WASHC5: variants seen among roughly 807,000 people sequenced by gnomAD.
The protein encoded by WASHC5 is WASH complex subunit 5.
A neutral mutation model predicts 150.4 loss-of-function variants in WASHC5; 101 were observed. The ratio of observed to expected loss-of-function variants is 0.67; its 90% confidence interval spans 0.57 to 0.79. The LOEUF is 0.79. Ranked by LOEUF, WASHC5 falls within the 30% of genes least tolerant of loss-of-function variation. The pLI, the probability that WASHC5 is intolerant of heterozygous loss-of-function variation, is 0.00. For synonymous variants in WASHC5, 467 were observed against 491.2 expected, an observed-to-expected ratio of 0.95 and a Z score of 0.65; for missense variants, 1,195 against 1,396.3, an observed-to-expected ratio of 0.86 and a Z score of 2.30.
At chr8:125,082,885 CTTAG>C (rs1014418947) in intron 3 of WASHC5, 7 of 436,008 alleles carry the variant, frequency 1.6e-5, no homozygotes, top group Non-Finnish European at 1.6e-5. Flanking sequence ...AACTATATGA[CTTAG>C]TTAAACTAAG....
Position 125,059,446 on chromosome 8 carries a change from T to C in WASHC5, c.1618A>G (p.Ile540Val). The part of the protein sequence containing the change: ...FLHQMIRTIN[I>V]KEEVLITMQI... ...ATTGTGATCAGAACCTCCTCTTTAA[T>C]GTTAATGGTTCTGATCATTTGATGA... The change falls in exon 13 of 29, where the codon ATT (isoleucine) becomes GTT (valine). Residue 540 changes from isoleucine to valine, a missense_variant. Coordinates refer to ENST00000318410, the MANE Select transcript of WASHC5 (RefSeq NM_014846.4). 1 of 1,614,082 alleles carries C rather than the reference T, an allele frequency of 6.2e-7. No individual in the cohort carries two copies. Among genetic ancestry groups the C allele is most frequent in the Non-Finnish European group, 8.5e-7 (1 of 1,179,930 alleles).
chr8:125,025,860 T>C (rs62529093), intron 28 of WASHC5, among the ~76,000 whole-genome samples: 1 of 118,546 alleles, frequency 8.4e-6, no homozygotes, highest in African/African-American at 4.8e-5. Context: ...ACACACACAA[T>C]CAAAATTAGG....
chr8:125,039,756 C>T (rs749228892), intron 24 of WASHC5, 39 bp downstream of exon 24: 6 of 1,380,408 alleles, frequency 4.3e-6, no homozygotes, highest in Admixed American at 3.4e-5. Flanking sequence ...AATAAACAAT[C>T]CAAGCCCACG....
Position 125,028,697 on chromosome 8 carries a change from G to A in WASHC5, c.3346C>T (p.Pro1116Ser). ...TVEQCTSQKI[P>S]EIPADVVGAL... is the part of the protein sequence containing the mutation. Reference sequence around the variant, plus strand: ...CCCACAACATCTGCAGGAATTTCAGGTATCTTCTGGCTGTGATAGAGAACA... The same window carrying A: ...CCCACAACATCTGCAGGAATTTCAGATATCTTCTGGCTGTGATAGAGAACA... Residue 1116 changes from proline (P) to serine (S), a missense_variant, in exon 28 of 29, where the codon CCT becomes TCT. Coordinates refer to ENST00000318410, the MANE Select transcript of WASHC5 (RefSeq NM_014846.4). 3.1e-6 allele frequency: 5 copies of A among 1,613,028 alleles called. No individual in the cohort carries two copies. Among genetic ancestry groups the A allele is most frequent in the Non-Finnish European group, 3.4e-6 (4 of 1,179,088 alleles).
intron 1 of WASHC5, among the ~76,000 whole-genome samples, chr8:125,089,476 G>A (rs1431057386): frequency 6.6e-6 from 1 of 152,188 alleles, no homozygotes; most frequent in Non-Finnish European, 1.5e-5. Flanking sequence ...AAGCCATTCT[G>A]GGCCGCATGT....
rs1203430269 is a variant in WASHC5, at chr8:125,067,573, T to G, written c.1278+19A>C. On this transcript the variant is annotated intron_variant, in intron 10 of 28. Transcript: ENST00000318410. ...TAAAAAAGCTAAGACTGTGGTGATA[T>G]TCATTCAAATATTTTTACCTCTTTG... 7 of 1,595,652 alleles carry G rather than the reference T, an allele frequency of 4.4e-6. No homozygotes were observed. The highest frequency in any genetic ancestry group is 4.3e-6 in the Non-Finnish European group (5 of 1,163,818).
At position 125,060,951 on chromosome 8, in the gene WASHC5, CAT is replaced by C. The variant is rs1816575543; in HGVS notation, c.1521+129_1521+130del. 1.3e-5 allele frequency: 9 copies of C among 671,254 alleles called. No homozygotes were observed. In the East Asian group the frequency reaches 2.0e-4, roughly 15 times the overall value. 41.6% of individuals were successfully genotyped at this position (671,254 alleles called of 1,614,324 possible). ...TTAGGACAGTATACGTTACAGGAAA[CAT>C]ATTAATTCACATCGCTTTTACTTCT... is the stretch of plus-strand genomic sequence containing the variant. On this transcript the variant is annotated intron_variant, in intron 12 of 28. Transcript: ENST00000318410.
rs1815832206 is a variant in WASHC5, at chr8:125,039,781, AC to A, written c.2954+13del. On this transcript the variant is annotated intron_variant, in intron 24 of 28. Transcript: ENST00000318410. Reference sequence around the variant, plus strand: ...CCAAGCCCACGGATGGCTGTTTCAAACCCTGGCACTTACTTATTGAGATTCT... The same window carrying A: ...CCAAGCCCACGGATGGCTGTTTCAAACCTGGCACTTACTTATTGAGATTCT... 6.3e-7 allele frequency: 1 copy of A among 1,575,970 alleles called. No homozygotes were observed. The highest frequency in any genetic ancestry group is 8.7e-7 in the Non-Finnish European group (1 of 1,145,472).
Position 125,024,386 on chromosome 8 carries a change from G to T in WASHC5, c.*231C>A. 1 of 579,844 alleles carries T rather than the reference G, an allele frequency of 1.7e-6. No homozygotes were observed. The allele number at this position is 579,844 out of a possible 1,614,324, so 35.9% of individuals were successfully genotyped here. On this transcript the variant is annotated 3_prime_UTR_variant, in exon 29 of 29. Coordinates refer to ENST00000318410, the MANE Select transcript of WASHC5 (RefSeq NM_014846.4). ...CATTTAAGAGAGGCAGTACAAAAAT[G>T]TGTTCTGCTTTTATCTGATATAAAT...
At position 125,031,493 on chromosome 8, in the gene WASHC5, G is replaced by T. The variant is rs534822478; in HGVS notation, c.3335+748C>A. ...GGGGTTTCACCATGTTGGCCAGGCT[G>T]GTCCTGAACTCCTGACCTCAAGTAA... is the stretch of plus-strand genomic sequence containing the variant. On this transcript the variant is annotated intron_variant, in intron 27 of 28. Transcript: ENST00000318410. 3.3e-5 allele frequency among the ~76,000 whole-genome samples: 5 copies of T among 152,192 alleles called. No homozygotes were observed. The East Asian group carries it at 5.8e-4, about 18-fold the overall frequency.
chr8:125,025,278 G>A (rs990679292), intron 28 of WASHC5, among the ~76,000 whole-genome samples: 4 of 152,172 alleles, frequency 2.6e-5, no homozygotes, highest in African/African-American at 9.7e-5. Flanking sequence ...GATCATAAAG[G>A]TATAACCTGC....
intron 27 of WASHC5, 90 bp downstream of exon 27, chr8:125,032,151 A>T: frequency 7.0e-7 from 1 of 1,427,114 alleles, no homozygotes; most frequent in Non-Finnish European, 9.9e-7. Flanking sequence ...TCCCATCTCT[A>T]TTAGGGCGAT....
chr8:125,038,984 T>TA (rs1352152921), intron 24 of WASHC5, 25 bp from the exon 25 acceptor site: 1 of 1,610,186 alleles, frequency 6.2e-7, no homozygotes, highest in Non-Finnish European at 8.5e-7. Flanking sequence ...ACCCTGGAGA[T>TA]AAACATTAGT....
chr8:125,039,808 C>G lies in WASHC5; in HGVS notation c.2941G>C (p.Glu981Gln). The G allele has an allele frequency of 6.2e-7, 1 of 1,611,928 alleles. No individual in the cohort carries two copies. The highest frequency in any genetic ancestry group is 8.5e-7 in the Non-Finnish European group (1 of 1,178,036). The change falls in exon 24 of 29, where the codon GAG becomes CAG. Residue 981 changes from glutamate to glutamine, a missense_variant. Coordinates refer to ENST00000318410, the MANE Select transcript of WASHC5 (RefSeq NM_014846.4). ...FDSKHLAAAL[E>Q]NLNKALLADI... is the part of the protein sequence containing the mutation. ...CCTGGCACTTACTTATTGAGATTCT[C>G]CAGAGCAGCTGCCAGATGTTTAGAA...
Position 125,043,919 on chromosome 8 carries a change from C to T in WASHC5, c.2771-15G>A. The T allele has an allele frequency of 6.2e-7, 1 of 1,606,330 alleles. No homozygotes were observed. The highest frequency in any genetic ancestry group is 8.5e-7 in the Non-Finnish European group (1 of 1,173,174). The stretch of plus-strand genomic sequence containing the variant: ...ATTTGAATTTGCTGAAAAGTTAAAA[C>T]ATAATTTTCTCTTTAGTACATTCGT... On this transcript the variant is annotated splice_polypyrimidine_tract_variant and intron_variant, in intron 22 of 28. Transcript: ENST00000318410.
intron 23 of WASHC5, among the ~76,000 whole-genome samples, chr8:125,043,122 T>C (rs1433739465): frequency 6.6e-6 from 1 of 152,226 alleles, no homozygotes; most frequent in African/African-American, 2.4e-5. Flanking sequence ...TCATGTTTCA[T>C]TTAACTCTGT....
intron 15 of WASHC5, among the ~76,000 whole-genome samples, chr8:125,057,068 A>G (rs1224152416): frequency 6.6e-6 from 1 of 152,226 alleles, no homozygotes; most frequent in Non-Finnish European, 1.5e-5. Context: ...TAAAAAGATC[A>G]AGGTTCAAAA....
Position 125,076,744 on chromosome 8 carries a change from T to TAAAAAAAA in WASHC5, c.712-252_712-245dup. Among the ~76,000 whole-genome samples the TAAAAAAAA allele has an allele frequency of 1.5e-5, 2 of 132,274 alleles. 1 individual carries two copies. Among genetic ancestry groups the TAAAAAAAA allele is most frequent in the African/African-American group, 6.4e-5 (2 of 31,456 alleles). The allele number at this position is 132,274 out of a possible 152,430, so 86.8% of individuals were successfully genotyped here. A position where few individuals can be genotyped will look rare whatever the true frequency, so the allele number is the denominator to read the frequency against. ...ACCGCTGCAATTCTAAGTCTTTTCT[T>TAAAAAAAA]AAAAAAAAAAAAAAAAAGTCCCATT... is the stretch of plus-strand genomic sequence containing the variant. On this transcript the variant is annotated intron_variant, in intron 6 of 28. Coordinates refer to ENST00000318410, the MANE Select transcript of WASHC5 (RefSeq NM_014846.4).
At chr8:125,084,835 A>C (rs1176266734) in intron 1 of WASHC5, among the ~76,000 whole-genome samples, 1 of 152,190 alleles carries the variant, frequency 6.6e-6, no homozygotes, top group East Asian at 1.9e-4. Context: ...CTGGCTGCTT[A>C]AGGGAATCAC....
Sources: allele counts gnomAD v4.1 joint callset (sites outside exome capture counted in the v4.1 genomes callset), GRCh38; gene constraint gnomAD v4.1.1; transcripts MANE v1.5; gene names NCBI Gene and HGNC (gene_info 2026-07-23, HGNC 2026-07-21).